Variants in GASK1B observed in about 807,000 individuals in gnomAD.
The protein encoded by GASK1B is Golgi-associated kinase 1B.
GASK1B carries 34 observed loss-of-function variants against 42.8 expected under a neutral mutation model. The ratio of observed to expected loss-of-function variants is 0.79; its 90% CI spans 0.60 to 1.06. GASK1B has a LOEUF of 1.06. Among genes scored for constraint, GASK1B ranks in the 50% least tolerant of loss-of-function variants. GASK1B has a pLI of 0.00. For synonymous variants in GASK1B, 262 were observed against 259.1 expected (o/e 1.01, Z -0.11); for missense variants, 686 against 661.0 (o/e 1.04, Z -0.42).
chr4:158,164,485 C>T (rs1248559250), intron 2 of GASK1B, among the ~76,000 whole-genome samples: 2 of 152,058 alleles, frequency 1.3e-5, no homozygotes, highest in Non-Finnish European at 1.5e-5. Context: ...TGCTTAGAGC[C>T]GAGGCTCAGT....
chr4:158,141,601 T>TAG, intron 3 of GASK1B, among the ~76,000 whole-genome samples: 1 of 110,388 alleles, frequency 9.1e-6, no homozygotes, highest in African/African-American at 3.7e-5. Context: ...ATTTACCTTT[T>TAG]TTTTTTTTTT....
Position 158,126,280 on chromosome 4 carries a change from TAGAA to T in GASK1B, c.*1123_*1126del, listed in dbSNP as rs1282948339. ...TCTTCCAATCTGATTTAAAAAGTGT[TAGAA>T]GGAGTTTGGAGATGATTATTTGAGG... On this transcript the variant is annotated 3_prime_UTR_variant, in exon 5 of 5. Coordinates refer to ENST00000585682, the MANE Select transcript of GASK1B (RefSeq NM_001128424.2). The T allele has an allele frequency of 6.6e-6, 1 of 152,128 alleles. No individual in the cohort carries two copies. Among genetic ancestry groups the T allele is most frequent in the African/African-American group, 2.4e-5 (1 of 41,452 alleles). 9.4% of individuals were successfully genotyped at this position (152,128 alleles called of 1,614,324 possible). A position where few individuals can be genotyped will look rare whatever the true frequency, so the allele number is the denominator to read the frequency against.
intron 3 of GASK1B, among the ~76,000 whole-genome samples, chr4:158,148,518 T>C (rs899297422): frequency 6.6e-5 from 10 of 152,192 alleles, no homozygotes; most frequent in Non-Finnish European, 4.4e-5. Flanking sequence ...GAATATATAA[T>C]TTGACAAACA....
At chr4:158,130,706 G>T in intron 4 of GASK1B, 80 bp downstream of exon 4, 1 of 1,039,404 alleles carries the variant, frequency 9.6e-7, no homozygotes, top group Non-Finnish European at 1.4e-6. Context: ...ATGATCAGAT[G>T]TAAGATGTGA....
In GASK1B at chr4:158,161,533, TCTC is replaced by T. The variant is rs143190719; in HGVS notation, c.911-5711_911-5709del. Among the ~76,000 whole-genome samples the T allele has an allele frequency of 4.7e-3, 709 of 152,310 alleles. 2 individuals carry two copies. The highest frequency in any genetic ancestry group is 0.016 in the African/African-American group (659 of 41,562). On this transcript the variant is annotated intron_variant, in intron 2 of 4. Coordinates refer to ENST00000585682, the MANE Select transcript of GASK1B (RefSeq NM_001128424.2). ...TACCTAAACAACTTAAATCGCCAGTTCTCCTCTGAAAACAAGGCATTCTTCTTT... is the reference window on the plus strand; with the variant it reads ...TACCTAAACAACTTAAATCGCCAGTTCTCTGAAAACAAGGCATTCTTCTTT...
At chr4:158,135,132 A>C (rs2110937944) in intron 3 of GASK1B, among the ~76,000 whole-genome samples, 1 of 152,024 alleles carries the variant, frequency 6.6e-6, no homozygotes, top group Non-Finnish European at 1.5e-5. Flanking sequence ...GGAGTTTGAG[A>C]CCAGCCTGGC....
chr4:158,141,899 GC>G (rs564028353), intron 3 of GASK1B, among the ~76,000 whole-genome samples: 210 of 140,620 alleles, frequency 1.5e-3, no homozygotes, highest in African/African-American at 5.5e-3. Flanking sequence ...GAGCCACCGC[GC>G]CCGGCCGATG....
At chr4:158,159,123 T>A (rs187943164) in intron 2 of GASK1B, among the ~76,000 whole-genome samples, 121 of 152,268 alleles carry the variant, frequency 7.9e-4, no homozygotes, top group Middle Eastern at 6.8e-3. Flanking sequence ...TTTCTCCCAA[T>A]TCATCCATTT....
chr4:158,142,430 T>G (rs543222099), intron 3 of GASK1B, among the ~76,000 whole-genome samples: 1 of 152,312 alleles, frequency 6.6e-6, no homozygotes, highest in African/African-American at 2.4e-5. Flanking sequence ...GAGGAACCAG[T>G]GGCAGACAAG....
chr4:158,172,320 C>T (rs569440624), intron 1 of GASK1B: 2 of 152,268 alleles, frequency 1.3e-5, no homozygotes, highest in East Asian at 1.9e-4. Flanking sequence ...AGAAGAAACT[C>T]GTAAGCAACC....
chr4:158,124,577 G>A lies in GASK1B; in HGVS notation c.*2830C>T, dbSNP rs1336868411. ...ATAAACATAAGAATTTCATAAGACAGTGTGTAAATAAATCTACTTCTAGGT... is the reference window on the plus strand; with the variant it reads ...ATAAACATAAGAATTTCATAAGACAATGTGTAAATAAATCTACTTCTAGGT... On this transcript the variant is annotated 3_prime_UTR_variant, in exon 5 of 5. Coordinates refer to ENST00000585682, the MANE Select transcript of GASK1B (RefSeq NM_001128424.2). 6.6e-6 allele frequency: 1 copy of A among 152,146 alleles called. No individual in the cohort carries two copies. The highest frequency in any genetic ancestry group is 6.6e-5 in the Admixed American group (1 of 15,262). 9.4% of individuals were successfully genotyped at this position (152,146 alleles called of 1,614,324 possible). A position where few individuals can be genotyped will look rare whatever the true frequency, so the allele number is the denominator to read the frequency against.
In GASK1B at chr4:158,131,107, G is replaced by A. The variant is rs145263382; in HGVS notation, c.1126-95C>T. 3.7e-4 allele frequency: 379 copies of A among 1,018,822 alleles called. 4 individuals carry two copies. The East Asian group carries it at 9.5e-3, about 25-fold the overall frequency. The allele number at this position is 1,018,822 out of a possible 1,614,324, so 63.1% of individuals were successfully genotyped here. A position where few individuals can be genotyped will look rare whatever the true frequency, so the allele number is the denominator to read the frequency against. On this transcript the variant is annotated intron_variant, in intron 3 of 4. Transcript: ENST00000585682. ...AAAGATCAGTGCTTTCTGAATAGCT[G>A]ACTTGCCAGAATCTAAGAGGGCCAG...
chr4:158,164,169 G>A (rs899481223), intron 2 of GASK1B, among the ~76,000 whole-genome samples: 13 of 152,202 alleles, frequency 8.5e-5, no homozygotes, highest in Admixed American at 6.5e-5. Flanking sequence ...ATTCCTGACC[G>A]TTTTGTTCAC....
rs571648325 is a variant in GASK1B at position 158,137,208 on chromosome 4, A to C, written c.1126-6196T>G. On this transcript the variant is annotated intron_variant, in intron 3 of 4. Coordinates refer to ENST00000585682, the MANE Select transcript of GASK1B (RefSeq NM_001128424.2). ...TCTCATATCTCACAGAGGGTCCGCC[A>C]TAATGCCATGTATGTAATAGGCATT... 9.8e-5 allele frequency among the ~76,000 whole-genome samples: 15 copies of C among 152,344 alleles called. No individual in the cohort carries two copies. In the South Asian group the frequency reaches 3.1e-3, roughly 32 times the overall value.
intron 3 of GASK1B, among the ~76,000 whole-genome samples, chr4:158,134,593 C>T (rs986676771): frequency 9.9e-5 from 15 of 152,264 alleles, no homozygotes; most frequent in Middle Eastern, 6.8e-3. Flanking sequence ...ATGAGTCTTT[C>T]CTTTCTTAGG....
rs1006423963 is a variant in GASK1B at position 158,171,455 on chromosome 4, T to C, written c.-80A>G. On this transcript the variant is annotated 5_prime_UTR_variant, in exon 2 of 5. Transcript: ENST00000585682. Reference sequence around the variant, plus strand: ...CTAATGTGATGCATGGTTTCCTGACTTCAGCTGCCGCGTCCGCTTCGGGAT... The same window carrying C: ...CTAATGTGATGCATGGTTTCCTGACCTCAGCTGCCGCGTCCGCTTCGGGAT... 5 of 1,439,330 alleles carry C rather than the reference T, an allele frequency of 3.5e-6. No homozygotes were observed. In the African/African-American group the frequency reaches 7.1e-5, roughly 20 times the overall value. 89.2% of individuals were successfully genotyped at this position (1,439,330 alleles called of 1,614,324 possible).
At chr4:158,151,295 T>G (rs573199840) in intron 3 of GASK1B, among the ~76,000 whole-genome samples, 80 of 152,266 alleles carry the variant, frequency 5.3e-4, no homozygotes, top group African/African-American at 1.9e-3. Context: ...TGCGATAAAT[T>G]TAACTGGAAA....
Position 158,134,770 on chromosome 4 carries a change from G to A in GASK1B, c.1126-3758C>T, listed in dbSNP as rs549720664. The stretch of plus-strand genomic sequence containing the variant: ...TTTGGTAGTGTTAGTTTTGCATGTA[G>A]GAAAAAAGCATCTCATGAGTGATTC... On this transcript the variant is annotated intron_variant, in intron 3 of 4. Transcript: ENST00000585682. Among the ~76,000 whole-genome samples the A allele has an allele frequency of 3.0e-4, 45 of 152,004 alleles. No individual in the cohort carries two copies. The South Asian group carries it at 9.1e-3, about 31-fold the overall frequency.
intron 3 of GASK1B, among the ~76,000 whole-genome samples, chr4:158,133,705 C>T (rs1730770632): frequency 6.6e-6 from 1 of 152,162 alleles, no homozygotes. Context: ...TTTTAAAGTA[C>T]TTCGTCTGAT....
Sources: gnomAD v4.1 joint callset for allele counts (sites outside exome capture counted in the v4.1 genomes callset) on GRCh38, gnomAD v4.1.1 for gene constraint, MANE v1.5 for transcripts, NCBI Gene and HGNC (gene_info 2026-07-23, HGNC 2026-07-21) for gene names.